The following PIWIL4 variants were observed in gnomAD, a reference collection of about 807,000 sequenced individuals.
The protein encoded by PIWIL4 is piwi like RNA-mediated gene silencing 4, also known as piwi-like protein 4.
PIWIL4 carries 50 observed loss-of-function variants against 100.9 expected under a neutral mutation model. The observed-to-expected ratio is 0.50, with a 90% CI of 0.39 to 0.63. The LOEUF (loss-of-function observed/expected upper bound fraction) is 0.63. Ranked by LOEUF, PIWIL4 falls within the 20% of genes least tolerant of loss-of-function variation. The pLI, the probability that PIWIL4 is intolerant of heterozygous loss-of-function variation, is 0.00. For synonymous variants in PIWIL4, 342 were observed against 367.5 expected, an observed-to-expected ratio of 0.93 and a Z score of 0.79; for missense variants, 887 against 1,043.3, an observed-to-expected ratio of 0.85 and a Z score of 2.06.
rs1415852645 is a variant in PIWIL4, at chr11:94,567,682, A to G, written c.87+77A>G. On this transcript the variant is annotated intron_variant, in intron 1 of 19. Transcript: ENST00000299001. ...TAGCCTGAACAATGCCTTCCTCTGC[A>G]TGTATCTCCTCCTCTCTGTTACGAA... 2.8e-6 allele frequency: 4 copies of G among 1,424,008 alleles called. No individual in the cohort carries two copies. In the African/African-American group the frequency reaches 4.2e-5, roughly 15 times the overall value. The allele number at this position is 1,424,008 out of a possible 1,614,324, so 88.2% of individuals were successfully genotyped here.
At position 94,567,925 on chromosome 11, in the gene PIWIL4, C is replaced by T. The variant is rs1023724939; in HGVS notation, c.87+320C>T. On this transcript the variant is annotated intron_variant, in intron 1 of 19. Transcript: ENST00000299001. The stretch of plus-strand genomic sequence containing the variant: ...TGCCTTGTAAAAAGTGATGTGCTTT[C>T]ATAACATTACACGGCATATAATCTA... 1.7e-5 allele frequency: 10 copies of T among 598,038 alleles called. No homozygotes were observed. The African/African-American group carries it at 2.0e-4, about 12-fold the overall frequency. The allele number at this position is 598,038 out of a possible 1,614,324, so 37.0% of individuals were successfully genotyped here.
rs1360914857 is a variant in PIWIL4, at chr11:94,614,295, CTTTT to C, written c.1944-2197_1944-2194del. 3.0e-5 allele frequency among the ~76,000 whole-genome samples: 3 copies of C among 99,090 alleles called. No homozygotes were observed. The Admixed American group carries it at 3.1e-4, about 10-fold the overall frequency. The allele number at this position is 99,090 out of a possible 152,430, so 65.0% of individuals were successfully genotyped here. On this transcript the variant is annotated intron_variant, in intron 15 of 19. Transcript: ENST00000299001. ...GGTTGTGTCATAGTTCCTGATTTTT[CTTTT>C]CTTTTTTTTTTTTTTTTTCCTTTTT...
chr11:94,615,541 C>A (rs1485935354), intron 15 of PIWIL4, among the ~76,000 whole-genome samples: 1 of 152,156 alleles, frequency 6.6e-6, no homozygotes, highest in East Asian at 1.9e-4. Flanking sequence ...TATTCTTCCA[C>A]CTTGCTAATA....
intron 17 of PIWIL4, among the ~76,000 whole-genome samples, chr11:94,618,545 T>C (rs899571922): frequency 2.0e-5 from 3 of 152,208 alleles, no homozygotes; most frequent in African/African-American, 7.2e-5. Context: ...TGGAAGGTTC[T>C]CAAAGGGTTT....
intron 13 of PIWIL4, among the ~76,000 whole-genome samples, chr11:94,605,152 G>A (rs932718929): frequency 2.0e-5 from 3 of 152,146 alleles, no homozygotes; most frequent in Non-Finnish European, 4.4e-5. Context: ...CTATCTTACA[G>A]AAGCATATGA....
chr11:94,589,094 A>G (rs748112515), intron 7 of PIWIL4, 27 bp from the exon 8 acceptor site: 5 of 1,540,068 alleles, frequency 3.2e-6, no homozygotes, highest in Non-Finnish European at 4.5e-6. Flanking sequence ...ATTAAAAAAC[A>G]ATTTAAAGAC....
At chr11:94,568,390 G>T (rs1027618396) in intron 1 of PIWIL4, among the ~76,000 whole-genome samples, 1 of 152,096 alleles carries the variant, frequency 6.6e-6, no homozygotes, top group Non-Finnish European at 1.5e-5. Context: ...TTTTATGTCC[G>T]TGGGCTATGG....
At chr11:94,594,322 T>A (rs1036783096) in intron 9 of PIWIL4, among the ~76,000 whole-genome samples, 2 of 151,492 alleles carry the variant, frequency 1.3e-5, no homozygotes, top group African/African-American at 4.8e-5. Context: ...AAAAACTAGC[T>A]GGGCCCGGTG....
intron 11 of PIWIL4, among the ~76,000 whole-genome samples, chr11:94,598,874 A>G (rs1948597698): frequency 6.6e-6 from 1 of 151,890 alleles, no homozygotes; most frequent in East Asian, 1.9e-4. Context: ...TGCTCAGCTA[A>G]TTTTTGTATT....
intron 11 of PIWIL4, among the ~76,000 whole-genome samples, chr11:94,598,955 A>C (rs1222268512): frequency 6.6e-6 from 1 of 151,990 alleles, no homozygotes; most frequent in Non-Finnish European, 1.5e-5. Flanking sequence ...CCATCCTCCC[A>C]CCTCAGCCTC....
At chr11:94,612,534 A>G (rs1203188869) in intron 15 of PIWIL4, among the ~76,000 whole-genome samples, 3 of 152,084 alleles carry the variant, frequency 2.0e-5, no homozygotes, top group Non-Finnish European at 2.9e-5. Flanking sequence ...AATTTAATCC[A>G]TTTACATTTA....
intron 17 of PIWIL4, 47 bp downstream of exon 17, chr11:94,618,154 T>C (rs757301607): frequency 4.0e-6 from 6 of 1,498,096 alleles, no homozygotes; most frequent in Non-Finnish European, 5.4e-6. Flanking sequence ...TATAGCATAT[T>C]CAGCTGTAGC....
chr11:94,611,835 G>C (rs2135299318), intron 15 of PIWIL4, among the ~76,000 whole-genome samples: 1 of 152,256 alleles, frequency 6.6e-6, no homozygotes, highest in South Asian at 2.1e-4. Context: ...CTGGCACTAT[G>C]CTTTATGTAC....
chr11:94,580,591 A>T (rs1105465), intron 4 of PIWIL4, among the ~76,000 whole-genome samples: 4 of 152,104 alleles, frequency 2.6e-5, no homozygotes, highest in Non-Finnish European at 5.9e-5. Context: ...GCAAACAAAG[A>T]TAAATAAAAC....
Position 94,567,560 on chromosome 11 carries a change from C to T in PIWIL4, c.42C>T (p.Arg14=). 1 of 1,607,144 alleles carries T rather than the reference C, an allele frequency of 6.2e-7. No individual in the cohort carries two copies. Among genetic ancestry groups the T allele is most frequent in the Non-Finnish European group, 8.5e-7 (1 of 1,177,064 alleles). ...GAGTGAAGGCCAGAGGCATCGCCCGCAGCCCCAGTGCCACAGAAGTGGGGC... is the reference window on the plus strand; with the variant it reads ...GAGTGAAGGCCAGAGGCATCGCCCGTAGCCCCAGTGCCACAGAAGTGGGGC... ...RARVKARGIA[R]SPSATEVGRI... The change falls in exon 1 of 20, where the codon CGC becomes CGT. Residue 14 remains arginine, a synonymous_variant. Coordinates refer to ENST00000299001, the MANE Select transcript of PIWIL4 (RefSeq NM_152431.3).
At chr11:94,572,294 T>G (rs1321179030) in intron 2 of PIWIL4, among the ~76,000 whole-genome samples, 2 of 152,242 alleles carry the variant, frequency 1.3e-5, no homozygotes, top group African/African-American at 4.8e-5. Context: ...TTAGTTTCAT[T>G]AGATCCCATT....
At chr11:94,589,727 C>T (rs1005758497) in intron 8 of PIWIL4, among the ~76,000 whole-genome samples, 3 of 152,126 alleles carry the variant, frequency 2.0e-5, no homozygotes, top group Non-Finnish European at 4.4e-5. Flanking sequence ...GAACACTAGA[C>T]ACCCTTGCAT....
At chr11:94,593,225 T>A (rs1433722535) in intron 8 of PIWIL4, among the ~76,000 whole-genome samples, 1 of 152,198 alleles carries the variant, frequency 6.6e-6, no homozygotes, top group Non-Finnish European at 1.5e-5. Context: ...AGTGATGTCA[T>A]TGAACTATGT....
chr11:94,574,953 A>G (rs375253836), intron 2 of PIWIL4, 46 bp from the exon 3 acceptor site: 5 of 1,578,646 alleles, frequency 3.2e-6, no homozygotes, highest in Non-Finnish European at 4.3e-6. Flanking sequence ...AAACAGTATC[A>G]CTAGAATGAA....
Sources: gnomAD v4.1 joint callset for allele counts (sites outside exome capture counted in the v4.1 genomes callset) on GRCh38, gnomAD v4.1.1 for gene constraint, MANE v1.5 for transcripts, NCBI Gene and HGNC (gene_info 2026-07-23, HGNC 2026-07-21) for gene names.